SDK1: variants seen among roughly 807,000 people sequenced by gnomAD.
SDK1 encodes the protein protein sidekick-1.
Under a neutral mutation model 245.5 loss-of-function variants are expected in SDK1, and 157 were observed. That is an observed-to-expected ratio of 0.64 (90% confidence interval 0.56 to 0.73). SDK1 has a LOEUF of 0.73. Ranked by LOEUF, SDK1 falls within the 30% of genes least tolerant of loss-of-function variation. The probability of loss-of-function intolerance (pLI) is 0.00; values close to 1 mark genes in which losing one functional copy is unlikely to be tolerated. For synonymous variants in SDK1, 1,647 were observed against 1,278.5 expected, an observed-to-expected ratio of 1.29 and a Z score of -6.15; for missense variants, 3,583 against 3,002.3, an observed-to-expected ratio of 1.19 and a Z score of -4.52.
In SDK1 at chr7:4,267,070, TGCTGAGTATG is replaced by T; in HGVS notation, c.*1689_*1698del. 1.0e-6 allele frequency: 1 copy of T among 985,478 alleles called. No homozygotes were observed. The highest frequency in any genetic ancestry group is 4.7e-5 in the South Asian group (1 of 21,290). 61.0% of individuals were successfully genotyped at this position (985,478 alleles called of 1,614,324 possible). On this transcript the variant is annotated 3_prime_UTR_variant, in exon 45 of 45. Coordinates refer to ENST00000404826, the MANE Select transcript of SDK1 (RefSeq NM_152744.4). ...TGCCTGGATTCTGTGCTGTCAGCGT[TGCTGAGTATG>T]GCCCCAGGAGACCAAGGAGAGTTTT... is the stretch of plus-strand genomic sequence containing the variant.
chr7:3,779,459 TAA>T lies in SDK1; in HGVS notation c.714-41980_714-41979del, dbSNP rs200775395. 3.2e-3 allele frequency among the ~76,000 whole-genome samples: 464 copies of T among 145,446 alleles called. 6 individuals are homozygous for T. Among genetic ancestry groups the T allele is most frequent in the African/African-American group, 0.011 (429 of 39,992 alleles). On this transcript the variant is annotated intron_variant, in intron 4 of 44. Transcript: ENST00000404826. ...GGCAAAGCCAGTAACCTATTTTTTT[TAA>T]AAAAAAAAAACAAGGACAAATTTAA...
At chr7:3,456,233 T>G (rs140239804) in intron 1 of SDK1, among the ~76,000 whole-genome samples, 1 of 152,252 alleles carries the variant, frequency 6.6e-6, no homozygotes, top group East Asian at 1.9e-4. Context: ...ACTCAGCTTC[T>G]TGAATCTGTA....
intron 4 of SDK1, among the ~76,000 whole-genome samples, chr7:3,733,643 T>C (rs76770862): frequency 1.3e-5 from 2 of 152,196 alleles, no homozygotes; most frequent in Admixed American, 1.3e-4. Context: ...GGCTTTGTTT[T>C]TCTAGCCCTT....
At chr7:3,847,718 G>A (rs1356199810) in intron 5 of SDK1, among the ~76,000 whole-genome samples, 1 of 152,326 alleles carries the variant, frequency 6.6e-6, no homozygotes, top group East Asian at 1.9e-4. Flanking sequence ...AATTCATTTT[G>A]TACCTGCAAA....
chr7:3,982,245 G>C (rs1445801979), intron 13 of SDK1, among the ~76,000 whole-genome samples: 3 of 152,172 alleles, frequency 2.0e-5, no homozygotes, highest in African/African-American at 7.2e-5. Context: ...GCCTACTTTT[G>C]AGACCTGCAG....
intron 1 of SDK1, among the ~76,000 whole-genome samples, chr7:3,423,566 C>T (rs1473958523): frequency 2.1e-5 from 3 of 143,322 alleles, no homozygotes; most frequent in Non-Finnish European, 4.5e-5. Context: ...GTCATGGAAA[C>T]AGTGGCTTTT....
intron 4 of SDK1, among the ~76,000 whole-genome samples, chr7:3,689,577 G>T (rs1784386866): frequency 6.6e-6 from 1 of 152,092 alleles, no homozygotes; most frequent in African/African-American, 2.4e-5. Flanking sequence ...ATTTGTTGTG[G>T]CTGCCTGTAA....
chr7:3,559,947 C>T (rs1045895882), intron 1 of SDK1, among the ~76,000 whole-genome samples: 5 of 152,130 alleles, frequency 3.3e-5, no homozygotes, highest in African/African-American at 1.2e-4. Flanking sequence ...AAAAAGTACT[C>T]AGCACCTCAC....
intron 17 of SDK1, among the ~76,000 whole-genome samples, chr7:4,044,846 T>C (rs1173583264): frequency 6.6e-6 from 1 of 152,202 alleles, no homozygotes; most frequent in African/African-American, 2.4e-5. Context: ...TTCACAAACA[T>C]CTTTAGCCCA....
At chr7:3,828,756 G>T (rs1779842101) in intron 5 of SDK1, among the ~76,000 whole-genome samples, 1 of 146,406 alleles carries the variant, frequency 6.8e-6, no homozygotes, top group African/African-American at 2.5e-5. Flanking sequence ...GGCTCAAGCA[G>T]TCTTGCTGCC....
intron 31 of SDK1, among the ~76,000 whole-genome samples, chr7:4,159,733 G>T (rs1780997331): frequency 1.3e-5 from 2 of 152,206 alleles, no homozygotes; most frequent in African/African-American, 4.8e-5. Flanking sequence ...TCAACCAACT[G>T]TGGATTGAAA....
chr7:3,938,013 A>G (rs189887377), intron 5 of SDK1, among the ~76,000 whole-genome samples: 192 of 151,936 alleles, frequency 1.3e-3, no homozygotes, highest in African/African-American at 4.6e-3. Flanking sequence ...AATTTTGTAT[A>G]TTTAGTAGAA....
In SDK1 at chr7:3,690,860, C is replaced by A. The variant is rs532105369; in HGVS notation, c.713+48755C>A. Among the ~76,000 whole-genome samples the A allele has an allele frequency of 1.5e-4, 23 of 152,292 alleles. No homozygotes were observed. The South Asian group carries it at 4.8e-3, about 32-fold the overall frequency. ...TACTTTGCGTGTATATAAGAACTTT[C>A]ATAATAGACAGTCTCAAAACACTTC... On this transcript the variant is annotated intron_variant, in intron 4 of 44. Coordinates refer to ENST00000404826, the MANE Select transcript of SDK1 (RefSeq NM_152744.4).
intron 5 of SDK1, among the ~76,000 whole-genome samples, chr7:3,883,961 T>C (rs1466750944): frequency 6.6e-6 from 1 of 152,222 alleles, no homozygotes; most frequent in African/African-American, 2.4e-5. Context: ...TTGTTTCTCA[T>C]TGCCAGAGGA....
chr7:3,585,670 TG>T (rs1406402802), intron 1 of SDK1, among the ~76,000 whole-genome samples: 1 of 152,060 alleles, frequency 6.6e-6, no homozygotes, highest in Non-Finnish European at 1.5e-5. Context: ...GCAGGTGTGC[TG>T]AGGTGGCTCT....
At chr7:3,541,449 AT>A (rs1779051066) in intron 1 of SDK1, among the ~76,000 whole-genome samples, 1 of 152,032 alleles carries the variant, frequency 6.6e-6, no homozygotes, top group Non-Finnish European at 1.5e-5. Context: ...TCTGCCTGTA[AT>A]TTTCCATCCA....
intron 1 of SDK1, among the ~76,000 whole-genome samples, chr7:3,444,164 G>T (rs1164046426): frequency 6.6e-6 from 1 of 152,140 alleles, no homozygotes; most frequent in African/African-American, 2.4e-5. Context: ...TTATTTATAA[G>T]ACAGAGATGT....
chr7:3,897,894 C>T (rs1362693870), intron 5 of SDK1, among the ~76,000 whole-genome samples: 1 of 151,898 alleles, frequency 6.6e-6, no homozygotes, highest in African/African-American at 2.4e-5. Context: ...TTTCTCTCAT[C>T]TTTTACTCTT....
In SDK1 at chr7:4,149,884, G is replaced by A. The variant is rs147999019; in HGVS notation, c.4625+421G>A. On this transcript the variant is annotated intron_variant, in intron 30 of 44. Coordinates refer to ENST00000404826, the MANE Select transcript of SDK1 (RefSeq NM_152744.4). ...GGACGTTGCGTCCCCTTGCGTTCTC[G>A]AAAGCAGCAGGGAGATGGATGGCAC... 1.2e-3 allele frequency among the ~76,000 whole-genome samples: 190 copies of A among 152,272 alleles called. 1 individual carries two copies. The East Asian group carries it at 0.032, about 26-fold the overall frequency.
Sources: allele counts gnomAD v4.1 joint callset (sites outside exome capture counted in the v4.1 genomes callset), GRCh38; gene constraint gnomAD v4.1.1; transcripts MANE v1.5; gene names NCBI Gene and HGNC (gene_info 2026-07-23, HGNC 2026-07-21).